The following TBX15 variants were observed in gnomAD, a reference collection of about 807,000 sequenced individuals.
The protein encoded by TBX15 is T-box transcription factor 15, also known as T-box transcription factor TBX15.
Under a neutral mutation model 53.9 loss-of-function variants are expected in TBX15, and 18 were observed. The ratio of observed to expected loss-of-function variants is 0.33; its 90% CI spans 0.23 to 0.49. The LOEUF (loss-of-function observed/expected upper bound fraction) is 0.49. Ranked by LOEUF, TBX15 falls within the 20% of genes least tolerant of loss-of-function variation. The probability of loss-of-function intolerance (pLI) is 0.98; values close to 1 mark genes in which losing one functional copy is unlikely to be tolerated. For missense variants in TBX15, 692 were observed against 749.5 expected, an observed-to-expected ratio of 0.92 and a Z score of 0.90; for synonymous variants, 295 against 278.0, an observed-to-expected ratio of 1.06 and a Z score of -0.61.
intron 1 of TBX15, among the ~76,000 whole-genome samples, chr1:118,979,079 T>A (rs554901266): frequency 6.6e-6 from 1 of 152,200 alleles, no homozygotes; most frequent in Non-Finnish European, 1.5e-5. Context: ...GGAGCAAGGA[T>A]GCATCGGGAC....
intron 1 of TBX15, among the ~76,000 whole-genome samples, chr1:118,964,863 T>C (rs1656991143): frequency 6.6e-6 from 1 of 152,202 alleles, no homozygotes; most frequent in South Asian, 2.1e-4. Context: ...AATTCTTTCC[T>C]ACTACAGGAA....
At chr1:118,957,534 A>C (rs901099855) in intron 1 of TBX15, among the ~76,000 whole-genome samples, 2 of 152,210 alleles carry the variant, frequency 1.3e-5, no homozygotes, top group African/African-American at 4.8e-5. Flanking sequence ...GGTTAGTTAC[A>C]TATGTATACA....
chr1:118,949,037 T>C (rs1044843932), intron 1 of TBX15, among the ~76,000 whole-genome samples: 2 of 152,266 alleles, frequency 1.3e-5, no homozygotes, highest in Middle Eastern at 6.8e-3. Context: ...TCAACATGCA[T>C]GTCAGCTCTA....
chr1:118,914,525 C>T (rs1557881893), intron 5 of TBX15, among the ~76,000 whole-genome samples: 1 of 152,076 alleles, frequency 6.6e-6, no homozygotes, highest in Non-Finnish European at 1.5e-5. Flanking sequence ...ACATGACACA[C>T]GGGAGGCACT....
At chr1:118,982,772 T>G (rs1657690558) in intron 1 of TBX15, among the ~76,000 whole-genome samples, 1 of 152,198 alleles carries the variant, frequency 6.6e-6, no homozygotes, top group South Asian at 2.1e-4. Context: ...TCAGCATCAT[T>G]TCAGTCTGAA....
intron 7 of TBX15, among the ~76,000 whole-genome samples, chr1:118,891,979 G>T (rs902435263): frequency 2.6e-5 from 4 of 152,004 alleles, no homozygotes; most frequent in Non-Finnish European, 4.4e-5. Flanking sequence ...AATCTGAAGG[G>T]GTAGGAATAT....
At chr1:118,914,932 C>G (rs903156145) in intron 5 of TBX15, among the ~76,000 whole-genome samples, 3 of 152,222 alleles carry the variant, frequency 2.0e-5, no homozygotes, top group Non-Finnish European at 4.4e-5. Flanking sequence ...GTGTCACCAG[C>G]TTGGTCCTCA....
intron 1 of TBX15, among the ~76,000 whole-genome samples, chr1:118,976,169 G>T (rs575976441): frequency 3.8e-4 from 58 of 152,154 alleles, no homozygotes; most frequent in Non-Finnish European, 7.8e-4. Context: ...GGGTTGTCCA[G>T]CCGTAAACAT....
At chr1:118,906,161 A>T (rs1165415206) in intron 6 of TBX15, among the ~76,000 whole-genome samples, 1 of 152,226 alleles carries the variant, frequency 6.6e-6, no homozygotes, top group Non-Finnish European at 1.5e-5. Context: ...AATGGCTAAC[A>T]ATAAATATAT....
chr1:118,892,759 C>T (rs1654191373), intron 7 of TBX15, among the ~76,000 whole-genome samples: 1 of 152,150 alleles, frequency 6.6e-6, no homozygotes, highest in Non-Finnish European at 1.5e-5. Context: ...CTTAACATTA[C>T]CCACGACAGC....
intron 6 of TBX15, among the ~76,000 whole-genome samples, chr1:118,904,459 C>T (rs935575975): frequency 1.3e-5 from 2 of 152,268 alleles, no homozygotes; most frequent in Admixed American, 6.5e-5. Context: ...TGACTAAAAA[C>T]CTAACCATCA....
chr1:118,898,990 C>T, intron 7 of TBX15, 38 bp downstream of exon 7: 2 of 1,601,070 alleles, frequency 1.2e-6, no homozygotes, highest in African/African-American at 2.7e-5. Flanking sequence ...CTGTCCCTGG[C>T]CCTATCACTA....
chr1:118,964,429 T>C lies in TBX15; in HGVS notation c.205+23162A>G, dbSNP rs181011977. Among the ~76,000 whole-genome samples the C allele has an allele frequency of 2.4e-4, 37 of 152,330 alleles. No homozygotes were observed. The East Asian group carries it at 6.2e-3, about 25-fold the overall frequency. On this transcript the variant is annotated intron_variant, in intron 1 of 7. Transcript: ENST00000369429. ...GACAAAACCTTTATAGATAAGTAAA[T>C]GGAAGTCAAGAGAAATTAAGCAACT...
At chr1:118,958,843 A>ATC (rs1240776246) in intron 1 of TBX15, among the ~76,000 whole-genome samples, 1 of 152,196 alleles carries the variant, frequency 6.6e-6, no homozygotes, top group East Asian at 1.9e-4. Flanking sequence ...GAAAAATATT[A>ATC]AACAGCTGTT....
chr1:118,983,814 C>T (rs991029093), intron 1 of TBX15, among the ~76,000 whole-genome samples: 6 of 152,120 alleles, frequency 3.9e-5, no homozygotes, highest in South Asian at 2.1e-4. Context: ...CCTGTCCCTG[C>T]GGTCTGAGCT....
intron 1 of TBX15, among the ~76,000 whole-genome samples, chr1:118,985,396 G>A (rs1557911194): frequency 6.6e-6 from 1 of 152,154 alleles, no homozygotes. Context: ...CCCTGGTCGC[G>A]CCTTTCGCTA....
At chr1:118,930,261 T>C (rs1332868862) in intron 2 of TBX15, among the ~76,000 whole-genome samples, 1 of 152,178 alleles carries the variant, frequency 6.6e-6, no homozygotes, top group African/African-American at 2.4e-5. Flanking sequence ...CAGCTCACAA[T>C]CAGTAAGATG....
chr1:118,985,101 G>GTGTT (rs1657785205), intron 1 of TBX15, among the ~76,000 whole-genome samples: 1 of 152,146 alleles, frequency 6.6e-6, no homozygotes, highest in African/African-American at 2.4e-5. Context: ...GTGTGCGTGT[G>GTGTT]TGTTTGTGTG....
intron 1 of TBX15, among the ~76,000 whole-genome samples, chr1:118,950,540 A>C (rs1347000992): frequency 6.6e-6 from 1 of 152,174 alleles, no homozygotes; most frequent in Non-Finnish European, 1.5e-5. Context: ...GAAAATATAC[A>C]AGCACCTTCC....
Sources: gnomAD v4.1 joint callset for allele counts (sites outside exome capture counted in the v4.1 genomes callset) on GRCh38, gnomAD v4.1.1 for gene constraint, MANE v1.5 for transcripts, NCBI Gene and HGNC (gene_info 2026-07-23, HGNC 2026-07-21) for gene names.